The following SATB2 variants were observed in gnomAD, a reference collection of about 807,000 sequenced individuals.
SATB2 encodes SATB homeobox 2.
A neutral mutation model predicts 73.4 loss-of-function variants in SATB2; 1 was observed. That is an observed-to-expected ratio of 0.01 (90% confidence interval 0.00 to 0.06). The LOEUF (loss-of-function observed/expected upper bound fraction) is 0.06, where lower values mean the gene tolerates loss of function less well. Among genes scored for constraint, SATB2 ranks in the 10% least tolerant of loss-of-function variants. SATB2 has a pLI of 1.00. For synonymous variants in SATB2, 397 were observed against 367.0 expected (o/e 1.08, Z -0.93); for missense variants, 459 against 945.8 (o/e 0.49, Z 6.75).
At chr2:199,284,611 C>T (rs1393499418) in intron 10 of SATB2, among the ~76,000 whole-genome samples, 1 of 152,038 alleles carries the variant, frequency 6.6e-6, no homozygotes, top group East Asian at 1.9e-4. Context: ...TTAAGTCAGA[C>T]TTTAAAATAT....
chr2:199,327,619 C>T lies in SATB2; in HGVS notation c.1386+1079G>A, dbSNP rs187726487. ...AGAAATGAGTGGGCTTGGATGTGAA[C>T]TAGAAATGACCCCTGACTGCCTTGA... On this transcript the variant is annotated intron_variant, in intron 8 of 10. Transcript: ENST00000417098. Among the ~76,000 whole-genome samples the T allele has an allele frequency of 3.9e-4, 60 of 152,142 alleles. 1 individual carries two copies. Among genetic ancestry groups the T allele is most frequent in the African/African-American group, 1.1e-3 (46 of 41,504 alleles).
At chr2:199,450,338 T>TCCCC (rs1692087763) in intron 2 of SATB2, among the ~76,000 whole-genome samples, 1 of 152,268 alleles carries the variant, frequency 6.6e-6, no homozygotes, top group East Asian at 1.9e-4. Context: ...TGTCAAATGC[T>TCCCC]CCATCTTTAA....
chr2:199,459,609 C>T (rs1692417832), upstream of SATB2: 1 of 152,870 alleles, frequency 6.5e-6, no homozygotes. The surrounding 1 kb of genome is among the most constrained non-coding windows in gnomAD (Gnocchi z 4.2). Flanking sequence ...TCATGTCCCT[C>T]CCGCACACGT....
chr2:199,294,895 T>A (rs908680201), intron 10 of SATB2, among the ~76,000 whole-genome samples: 21 of 152,156 alleles, frequency 1.4e-4, no homozygotes, highest in Non-Finnish European at 8.8e-5. Flanking sequence ...TTACTTTTTT[T>A]AAAAAAATTG....
Position 199,425,045 on chromosome 2 carries a change from A to G in SATB2, c.346+8293T>C, listed in dbSNP as rs866837498. ...CAAACAACTCTATTTTACATTTAAA[A>G]TCTATAAGTTAGTAAAAGACAGTTA... On this transcript the variant is annotated intron_variant, in intron 3 of 10. Transcript: ENST00000417098. Among the ~76,000 whole-genome samples the G allele has an allele frequency of 2.2e-4, 33 of 152,348 alleles. 1 individual carries two copies. Among genetic ancestry groups the G allele is most frequent in the Middle Eastern group, 3.4e-3 (1 of 294 alleles).
chr2:199,406,394 T>G (rs1018090237), intron 3 of SATB2, among the ~76,000 whole-genome samples: 7 of 152,212 alleles, frequency 4.6e-5, no homozygotes, highest in Admixed American at 4.6e-4. Flanking sequence ...AAGCCCTATA[T>G]GTTAATATGT....
At chr2:199,409,219 G>GAGTACAA (rs56083108) in intron 3 of SATB2, among the ~76,000 whole-genome samples, 85,731 of 140,810 alleles carry the variant, frequency 0.61, 29,292 homozygotes, top group Non-Finnish European at 0.76. Context: ...GTGCAGGCTA[G>GAGTACAA]AGTACAATGG....
chr2:199,342,904 T>C (rs1045375446), intron 7 of SATB2, among the ~76,000 whole-genome samples: 3 of 152,182 alleles, frequency 2.0e-5, no homozygotes, highest in Non-Finnish European at 4.4e-5. Context: ...TTAACTGTGT[T>C]ATTTTACATC....
At chr2:199,320,279 T>G (rs915465205) in intron 9 of SATB2, among the ~76,000 whole-genome samples, 1 of 152,178 alleles carries the variant, frequency 6.6e-6, no homozygotes, top group Non-Finnish European at 1.5e-5. Context: ...ACCACTGTCA[T>G]TCTATTCCAT....
At chr2:199,381,943 A>C (rs539540002) in intron 3 of SATB2, 123 bp from the exon 4 acceptor site, 3 of 1,060,810 alleles carry the variant, frequency 2.8e-6, no homozygotes, top group Non-Finnish European at 4.2e-6. Context: ...GATATTTTAC[A>C]ACCCAGTGCA....
At chr2:199,347,318 T>C (rs1688683605) in intron 7 of SATB2, 1 of 152,250 alleles carries the variant, frequency 6.6e-6, no homozygotes. Flanking sequence ...ATCAGATAAA[T>C]GAAAGCATTC....
intron 3 of SATB2, among the ~76,000 whole-genome samples, chr2:199,426,692 C>CAA (rs200293007): frequency 2.5e-4 from 32 of 128,224 alleles, no homozygotes; most frequent in African/African-American, 7.9e-4. Flanking sequence ...CATTCTCTCT[C>CAA]AAAAAAAAAA....
intron 6 of SATB2, among the ~76,000 whole-genome samples, chr2:199,358,510 A>C (rs1315750008): frequency 1.3e-5 from 2 of 152,130 alleles, no homozygotes; most frequent in Admixed American, 1.3e-4. Context: ...ACCAAACCCA[A>C]AGATTTTGTT....
intron 3 of SATB2, among the ~76,000 whole-genome samples, chr2:199,419,557 T>C (rs756221463): frequency 9.2e-5 from 14 of 152,212 alleles, no homozygotes. Context: ...GCATGGGTTA[T>C]AAATTACCTC....
chr2:199,400,670 C>T (rs1690444386), intron 3 of SATB2, among the ~76,000 whole-genome samples: 2 of 152,140 alleles, frequency 1.3e-5, no homozygotes, highest in Non-Finnish European at 2.9e-5. Context: ...ATTTAACATC[C>T]TTTAATTTTC....
chr2:199,434,550 C>A lies in SATB2; in HGVS notation c.170-1036G>T, dbSNP rs187584689. Among the ~76,000 whole-genome samples the A allele has an allele frequency of 2.0e-5, 3 of 152,158 alleles. No individual in the cohort carries two copies. In the East Asian group the frequency reaches 5.8e-4, roughly 29 times the overall value. On this transcript the variant is annotated intron_variant, in intron 2 of 10. Coordinates refer to ENST00000417098, the MANE Select transcript of SATB2 (RefSeq NM_001172509.2). Reference sequence around the variant, plus strand: ...ATACAAGTAATAAACATGGACCCTGCCTAATGTAATTCACACAAATTAGTA... The same window carrying A: ...ATACAAGTAATAAACATGGACCCTGACTAATGTAATTCACACAAATTAGTA...
chr2:199,284,919 T>C (rs779896958), intron 10 of SATB2, among the ~76,000 whole-genome samples: 50 of 152,096 alleles, frequency 3.3e-4, no homozygotes, highest in Non-Finnish European at 6.6e-4. Context: ...AAACTAGAGA[T>C]AATTCAAAGT....
chr2:199,347,056 G>C, intron 7 of SATB2: 1 of 152,006 alleles, frequency 6.6e-6, no homozygotes, highest in East Asian at 1.9e-4. Context: ...TGTTTTAGTA[G>C]AGATGGTGTT....
intron 3 of SATB2, chr2:199,397,434 A>G (rs1437896378): frequency 6.6e-6 from 1 of 152,634 alleles, no homozygotes; most frequent in Non-Finnish European, 1.5e-5. Flanking sequence ...ACTCAACAAT[A>G]ATGAATAGTA....
Sources: gnomAD v4.1 joint callset for allele counts (sites outside exome capture counted in the v4.1 genomes callset) on GRCh38, gnomAD v4.1.1 for gene constraint, Gnocchi (gnomAD v3.1) non-coding constraint, MANE v1.5 for transcripts, NCBI Gene and HGNC (gene_info 2026-07-23, HGNC 2026-07-21) for gene names.